PRADC1: variants seen among roughly 807,000 people sequenced by gnomAD.
PRADC1 encodes protease associated domain containing 1, also known as protease-associated domain-containing protein 1.
A neutral mutation model predicts 22.9 loss-of-function variants in PRADC1; 23 were observed. The ratio of observed to expected loss-of-function variants is 1.00; its 90% CI spans 0.72 to 1.42. The LOEUF (loss-of-function observed/expected upper bound fraction) is 1.42. PRADC1 is among the 40% of genes most tolerant of loss of function. The pLI, the probability that PRADC1 is intolerant of heterozygous loss-of-function variation, is 0.00. For missense variants in PRADC1, 207 were observed against 258.3 expected (o/e 0.80, Z 1.36); for synonymous variants, 71 against 100.3 (o/e 0.71, Z 1.75).
intron 3 of PRADC1, 103 bp downstream of exon 3, chr2:73,229,358 G>T: frequency 2.3e-6 from 2 of 851,536 alleles, no homozygotes; most frequent in Non-Finnish European, 4.0e-6. Context: ...CGCTTAAAAA[G>T]ATGAAATTTT....
In PRADC1 at chr2:73,228,250, G is replaced by A. The variant is rs759879748; in HGVS notation, c.*204C>T. On this transcript the variant is annotated 3_prime_UTR_variant, in exon 5 of 5. Transcript: ENST00000258083. This position sits in a 1 kb window ranked among gnomAD's most constrained non-coding sequence, Gnocchi z 4.0. ...TGGGGCCTGTCTCTTGCCTCTTCTT[G>A]TAGCATGAGACACCCTTGGGGGCCC... 4.6e-5 allele frequency: 28 copies of A among 608,104 alleles called. No individual in the cohort carries two copies. In the Middle Eastern group the frequency reaches 1.4e-3, roughly 30 times the overall value. The allele number at this position is 608,104 out of a possible 1,614,324, so 37.7% of individuals were successfully genotyped here. A position where few individuals can be genotyped will look rare whatever the true frequency, so the allele number is the denominator to read the frequency against.
chr2:73,229,050 C>T, intron 3 of PRADC1, 88 bp from the exon 4 acceptor site: 1 of 1,176,142 alleles, frequency 8.5e-7, no homozygotes, highest in Non-Finnish European at 1.2e-6. Context: ...AGAAGGCAGA[C>T]TATGAAGAAT....
At chr2:73,231,616 C>T (rs1017650626) in intron 1 of PRADC1, among the ~76,000 whole-genome samples, 12 of 151,628 alleles carry the variant, frequency 7.9e-5, no homozygotes, top group Admixed American at 3.3e-4. Flanking sequence ...GAGAGGGTTT[C>T]GCCATGTTGA....
chr2:73,229,703 G>C, intron 2 of PRADC1, 133 bp from the exon 3 acceptor site: 3 of 696,262 alleles, frequency 4.3e-6, no homozygotes, highest in Non-Finnish European at 5.0e-6. Flanking sequence ...TGTATCGCCA[G>C]ACACTTAAAC....
In PRADC1 at chr2:73,233,193, T is replaced by C; in HGVS notation, c.-33A>G. 1 of 1,306,964 alleles carries C rather than the reference T, an allele frequency of 7.7e-7. No homozygotes were observed. Among genetic ancestry groups the C allele is most frequent in the South Asian group, 1.7e-5 (1 of 57,262 alleles). 81.0% of individuals were successfully genotyped at this position (1,306,964 alleles called of 1,614,324 possible). On this transcript the variant is annotated 5_prime_UTR_variant, in exon 1 of 5. Transcript: ENST00000258083. ...GCCGGGCCCGGCCCGGCGCCGCGTT[T>C]CCTCTCGCCGCCCCGCCGCGCGTCG...
intron 1 of PRADC1, among the ~76,000 whole-genome samples, chr2:73,230,813 C>T (rs1040134914): frequency 3.9e-5 from 6 of 152,226 alleles, no homozygotes; most frequent in African/African-American, 1.4e-4. Context: ...TGCTGTGGCC[C>T]CTGGCCACTC....
intron 1 of PRADC1, among the ~76,000 whole-genome samples, chr2:73,231,476 G>T (rs1255744463): frequency 1.3e-5 from 2 of 150,274 alleles, no homozygotes; most frequent in Non-Finnish European, 3.0e-5. Context: ...GAGTGCAGTG[G>T]CGCCATCTCG....
chr2:73,229,602 A>T, intron 2 of PRADC1, 32 bp from the exon 3 acceptor site: 4 of 1,535,676 alleles, frequency 2.6e-6, no homozygotes, highest in Non-Finnish European at 3.6e-6. Context: ...GACAGGTGAG[A>T]GTGTAATGAG....
Position 73,229,732 on chromosome 2 carries a change from C to T in PRADC1, c.169-162G>A, listed in dbSNP as rs1357562960. ...CTTAAACATTTTTACTTAATTCTCG[C>T]AAAGGCCTATCTGGTTGTCCTACAC... On this transcript the variant is annotated intron_variant, in intron 2 of 4. Transcript: ENST00000258083. 3.3e-5 allele frequency: 21 copies of T among 635,872 alleles called. No individual in the cohort carries two copies. The South Asian group carries it at 3.9e-4, about 12-fold the overall frequency. 39.4% of individuals were successfully genotyped at this position (635,872 alleles called of 1,614,324 possible).
At position 73,233,177 on chromosome 2, in the gene PRADC1, G is replaced by A. The variant is rs1410437006; in HGVS notation, c.-17C>T. 1.5e-6 allele frequency: 2 copies of A among 1,360,102 alleles called. No homozygotes were observed. The highest frequency in any genetic ancestry group is 1.9e-6 in the Non-Finnish European group (2 of 1,060,528). 84.3% of individuals were successfully genotyped at this position (1,360,102 alleles called of 1,614,324 possible). On this transcript the variant is annotated 5_prime_UTR_variant, in exon 1 of 5. Transcript: ENST00000258083. Reference sequence around the variant, plus strand: ...GGGGACCATCTCCAGGGCCGGGCCCGGCCCGGCGCCGCGTTTCCTCTCGCC... The same window carrying A: ...GGGGACCATCTCCAGGGCCGGGCCCAGCCCGGCGCCGCGTTTCCTCTCGCC...
rs780719049 is a variant in PRADC1, at chr2:73,228,824, G to A, written c.417C>T (p.Ile139=). 3.7e-6 allele frequency: 6 copies of A among 1,612,908 alleles called. No homozygotes were observed. The highest frequency in any genetic ancestry group is 5.1e-6 in the Non-Finnish European group (6 of 1,179,760). Residue 139 remains isoleucine (I), a synonymous_variant, in exon 4 of 5, where the codon ATC becomes ATT. Coordinates refer to ENST00000258083, the MANE Select transcript of PRADC1 (RefSeq NM_032319.3). The surrounding 1 kb of genome is among the most constrained non-coding windows in gnomAD (Gnocchi z 4.0). ...IQDSTQRTAD[I]PALFLLGRDG... ...CTCGGCCGAGCAGGAAGAGGGCGGG[G>A]ATGTCAGCTGTGCGCTGGGTACTGT...
chr2:73,230,953 AC>A (rs1400460002), intron 1 of PRADC1, among the ~76,000 whole-genome samples: 1 of 151,508 alleles, frequency 6.6e-6, no homozygotes, highest in Non-Finnish European at 1.5e-5. Context: ...CCCTACTTCC[AC>A]CCCTTTACCT....
At chr2:73,233,245 C>T (rs1429488852), upstream of PRADC1, 26 of 911,190 alleles carry the variant, frequency 2.9e-5, no homozygotes, top group Middle Eastern at 3.5e-4. Context: ...CTGACAGCTG[C>T]TCCGGCCTCC....
At position 73,230,112 on chromosome 2, in the gene PRADC1, C is replaced by A. The variant is rs200326249; in HGVS notation, c.168+1G>T. 1.9e-6 allele frequency: 3 copies of A among 1,607,988 alleles called. No individual in the cohort carries two copies. Among genetic ancestry groups the A allele is most frequent in the African/African-American group, 1.3e-5 (1 of 74,766 alleles). ...GAGATCAGGGGCCTCCCTTAACTTACAAAGATACCACCAAAGTCCTTGGCA... is the reference window on the plus strand; with the variant it reads ...GAGATCAGGGGCCTCCCTTAACTTAAAAAGATACCACCAAAGTCCTTGGCA... On this transcript the variant is annotated splice_donor_variant, in intron 2 of 4. Transcript: ENST00000258083. LOFTEE classifies it high-confidence loss of function.
chr2:73,228,508 A>G lies in PRADC1; in HGVS notation c.513T>C (p.Asn171=), dbSNP rs139843084. ...LPWAIISIPV[N]VTSIPTFELL... Reference sequence around the variant, plus strand: ...GCTCAAAGGTGGGGATGCTGGTGACATTGACTGGGATGGAAATGATGGCCC... The same window carrying G: ...GCTCAAAGGTGGGGATGCTGGTGACGTTGACTGGGATGGAAATGATGGCCC... The change falls in exon 5 of 5, where the codon AAT becomes AAC. Residue 171 remains asparagine (N), a synonymous_variant. Transcript: ENST00000258083. The surrounding 1 kb of genome is among the most constrained non-coding windows in gnomAD (Gnocchi z 4.0). 35 of 1,614,094 alleles carry G rather than the reference A, an allele frequency of 2.2e-5. No individual in the cohort carries two copies. The African/African-American group carries it at 3.9e-4, about 18-fold the overall frequency.
rs1237187973 is a variant in PRADC1 at position 73,228,789 on chromosome 2, C to T, written c.446+6G>A. 1.9e-6 allele frequency: 3 copies of T among 1,610,058 alleles called. No homozygotes were observed. The highest frequency in any genetic ancestry group is 1.3e-5 in the African/African-American group (1 of 74,838). On this transcript the variant is annotated splice_donor_region_variant and intron_variant, in intron 4 of 4. Transcript: ENST00000258083. This position sits in a 1 kb window ranked among gnomAD's most constrained non-coding sequence, Gnocchi z 4.0. ...GCTGATAAAGCCAGAGGCAAGGAGC[C>T]CTCACCCGTCTCGGCCGAGCAGGAA...
chr2:73,229,688 GT>G, intron 2 of PRADC1, 118 bp from the exon 3 acceptor site: 1 of 778,450 alleles, frequency 1.3e-6, no homozygotes, highest in East Asian at 2.6e-5. Flanking sequence ...ACATGGAGTG[GT>G]TTCTGTATCG....
At chr2:73,228,009 C>A, downstream of PRADC1, 1 of 193,040 alleles carries the variant, frequency 5.2e-6, no homozygotes, top group Non-Finnish European at 1.1e-5. The surrounding 1 kb of genome is among the most constrained non-coding windows in gnomAD (Gnocchi z 4.0). Flanking sequence ...GACACAGTTG[C>A]AACCCTGATG....
At chr2:73,229,097 T>C (rs915128870) in intron 3 of PRADC1, 135 bp from the exon 4 acceptor site, 1 of 786,926 alleles carries the variant, frequency 1.3e-6, no homozygotes, top group African/African-American at 1.8e-5. Flanking sequence ...GCTAAAAGCA[T>C]GGATAATTTA....
Sources: gnomAD v4.1 joint callset for allele counts (sites outside exome capture counted in the v4.1 genomes callset) on GRCh38, gnomAD v4.1.1 for gene constraint, Gnocchi (gnomAD v3.1) non-coding constraint, MANE v1.5 for transcripts, NCBI Gene and HGNC (gene_info 2026-07-23, HGNC 2026-07-21) for gene names.